The following INTS13 variants were observed in gnomAD, a reference collection of about 807,000 sequenced individuals.
The protein encoded by INTS13 is asunder, spermatogenesis regulator homolog (Drosphila).
A neutral mutation model predicts 90.2 loss-of-function variants in INTS13; 35 were observed. The observed-to-expected ratio is 0.39, with a 90% CI of 0.30 to 0.51. The LOEUF (loss-of-function observed/expected upper bound fraction) is 0.51. Ranked by LOEUF, INTS13 falls within the 20% of genes least tolerant of loss-of-function variation. The pLI is 0.80. For missense variants in INTS13, 601 were observed against 851.2 expected (o/e 0.71, Z 3.66); for synonymous variants, 309 against 277.1 (o/e 1.11, Z -1.14).
chr12:26,912,731 C>CT (rs10712629), intron 14 of INTS13, among the ~76,000 whole-genome samples: 2,030 of 144,830 alleles, frequency 0.014, 24 homozygotes, highest in Non-Finnish European at 0.022. Context: ...GCTGCAATCA[C>CT]TTTTTTTTTT....
chr12:26,922,251 T>G (rs1168835662), intron 8 of INTS13, among the ~76,000 whole-genome samples: 1 of 152,210 alleles, frequency 6.6e-6, no homozygotes, highest in Non-Finnish European at 1.5e-5. Context: ...TCTCATCATG[T>G]AGGTATTTTA....
intron 2 of INTS13, among the ~76,000 whole-genome samples, chr12:26,935,657 G>A (rs1436095335): frequency 2.0e-5 from 3 of 152,172 alleles, no homozygotes; most frequent in South Asian, 2.1e-4. Context: ...CGAAGCCTGC[G>A]CTCCAAATCA....
rs148035594 is a variant in INTS13 at position 26,906,872 on chromosome 12, T to G, written c.1946-435A>C. 1.1e-3 allele frequency among the ~76,000 whole-genome samples: 169 copies of G among 152,356 alleles called. 1 individual carries two copies. The highest frequency in any genetic ancestry group is 3.9e-3 in the African/African-American group (164 of 41,592). ...CCATAGGCAAACATGCAGCCACATG[T>G]GCACAATATTTCTGCCAGTAAAGCC... On this transcript the variant is annotated intron_variant, in intron 15 of 16. Transcript: ENST00000261191.
At chr12:26,909,472 C>CCTTTTTTTTTTTTTTTT (rs1555203797) in intron 15 of INTS13, among the ~76,000 whole-genome samples, 1 of 127,076 alleles carries the variant, frequency 7.9e-6, no homozygotes, top group Non-Finnish European at 1.6e-5. Flanking sequence ...AGATAATACT[C>CCTTTTTTTTTTTTTTTT]TTTTTTTTTT....
chr12:26,905,710 A>G (rs539450455), intron 16 of INTS13, among the ~76,000 whole-genome samples, 174 bp from the exon 17 acceptor site: 21 of 152,302 alleles, frequency 1.4e-4, no homozygotes, highest in African/African-American at 4.8e-4. Context: ...TTCATTTTAC[A>G]GTGAAAATTG....
chr12:26,927,467 A>T (rs541133387), intron 5 of INTS13, among the ~76,000 whole-genome samples: 9 of 152,342 alleles, frequency 5.9e-5, no homozygotes, highest in African/African-American at 1.9e-4. Flanking sequence ...ATAGAGGAAA[A>T]AAAACTGTTT....
chr12:26,928,899 C>T lies in INTS13; in HGVS notation c.307G>A (p.Ala103Thr), dbSNP rs753163982. 1.5e-5 allele frequency: 24 copies of T among 1,613,740 alleles called. No homozygotes were observed. The highest frequency in any genetic ancestry group is 1.9e-5 in the Non-Finnish European group (22 of 1,179,752). ...QEDQNLQELM[A>T]ALAAVGPPNP... Reference sequence around the variant, plus strand: ...GGAGGCCCAACAGCGGCTAATGCTGCCATTAGCTAAGTAAAAGGGAAAACA... The same window carrying T: ...GGAGGCCCAACAGCGGCTAATGCTGTCATTAGCTAAGTAAAAGGGAAAACA... Residue 103 changes from alanine to threonine, a missense_variant, in exon 4 of 17, where the codon GCA (alanine) becomes ACA (threonine). Ala to Thr is a moderately conservative substitution (Grantham distance 58). This residue lies in a region of INTS13 where 284 missense variants were observed against 387.7 expected (regional missense o/e 0.73). Transcript: ENST00000261191.
chr12:26,930,931 G>T (rs1182707192), intron 3 of INTS13, among the ~76,000 whole-genome samples: 1 of 152,108 alleles, frequency 6.6e-6, no homozygotes, highest in Non-Finnish European at 1.5e-5. Flanking sequence ...AGTATATTAA[G>T]AACATTCTGG....
chr12:26,936,156 T>G (rs1006237266), intron 2 of INTS13, among the ~76,000 whole-genome samples: 3 of 152,186 alleles, frequency 2.0e-5, no homozygotes, highest in Non-Finnish European at 4.4e-5. Context: ...TACCTCAGTT[T>G]CCGGATCTGC....
At chr12:26,928,131 C>G in intron 5 of INTS13, 74 bp downstream of exon 5, 1 of 1,084,536 alleles carries the variant, frequency 9.2e-7, no homozygotes, top group South Asian at 1.8e-5. Context: ...CGCTACCAGT[C>G]AAGTTATTGG....
intron 11 of INTS13, 106 bp downstream of exon 11, chr12:26,915,896 C>A: frequency 1.4e-6 from 1 of 727,444 alleles, no homozygotes; most frequent in Non-Finnish European, 2.1e-6. Context: ...CAACTTCTTC[C>A]AGTCTCTTTT....
At chr12:26,924,852 T>C (rs1937779145) in intron 6 of INTS13, among the ~76,000 whole-genome samples, 1 of 152,090 alleles carries the variant, frequency 6.6e-6, no homozygotes, top group African/African-American at 2.4e-5. Context: ...GCAGAAAAAA[T>C]AATTTATTTT....
At chr12:26,912,385 C>A (rs1190043524) in intron 14 of INTS13, among the ~76,000 whole-genome samples, 1 of 152,002 alleles carries the variant, frequency 6.6e-6, no homozygotes, top group Non-Finnish European at 1.5e-5. Context: ...TGCAGTGAGT[C>A]GAGATCATGC....
At chr12:26,928,431 A>C in intron 4 of INTS13, 146 bp from the exon 5 acceptor site, 3 of 712,944 alleles carry the variant, frequency 4.2e-6, no homozygotes, top group Non-Finnish European at 6.9e-6. Flanking sequence ...TCATACCACT[A>C]AACAACTAGC....
At chr12:26,937,997 G>GCACACACACACACACACACACACA (rs149220083), upstream of INTS13, 2 of 151,302 alleles carry the variant, frequency 1.3e-5, no homozygotes, top group African/African-American at 4.8e-5. Context: ...GCGTGCGCGT[G>GCACACACACACACACACACACACA]CACACACACA....
intron 14 of INTS13, among the ~76,000 whole-genome samples, chr12:26,912,977 C>T (rs960413170): frequency 5.9e-5 from 9 of 152,056 alleles, no homozygotes; most frequent in Non-Finnish European, 1.5e-5. Context: ...GTGATCCACC[C>T]GCCTCGGCCT....
intron 8 of INTS13, among the ~76,000 whole-genome samples, chr12:26,920,814 A>G (rs1208112855): frequency 6.6e-6 from 1 of 152,170 alleles, no homozygotes. Context: ...AAACGTTTAT[A>G]TATCCCTGCA....
chr12:26,919,068 A>T, intron 8 of INTS13: 1 of 390,550 alleles, frequency 2.6e-6, no homozygotes, highest in East Asian at 7.9e-5. Context: ...CCGGAGGCTG[A>T]GGTGGAAGGA....
chr12:26,910,573 G>A (rs1010998224), intron 15 of INTS13, among the ~76,000 whole-genome samples: 1 of 152,198 alleles, frequency 6.6e-6, no homozygotes, highest in Non-Finnish European at 1.5e-5. Context: ...GCCATGTGAA[G>A]AAGGACATGT....
Sources: gnomAD v4.1 joint callset for allele counts (sites outside exome capture counted in the v4.1 genomes callset) on GRCh38, gnomAD v4.1.1 for gene constraint, gnomAD v4.1.1 regional missense constraint, MANE v1.5 for transcripts, NCBI Gene and HGNC (gene_info 2026-07-23, HGNC 2026-07-21) for gene names.